The following RANBP2 variants were observed in gnomAD, a reference collection of about 807,000 sequenced individuals.
RANBP2 encodes E3 SUMO-protein ligase RanBP2.
A neutral mutation model predicts 303.6 loss-of-function variants in RANBP2; 57 were observed. The observed-to-expected ratio is 0.19, with a 90% CI of 0.15 to 0.23. The LOEUF is 0.23. RANBP2 is among the 10% of genes least tolerant of loss of function. The probability of loss-of-function intolerance (pLI) is 1.00; values close to 1 mark genes in which losing one functional copy is unlikely to be tolerated. For synonymous variants in RANBP2, 1,167 were observed against 1,301.5 expected (o/e 0.90, Z 2.23); for missense variants, 3,138 against 3,780.8 (o/e 0.83, Z 4.46).
At chr2:108,778,467 A>C (rs1169430009) in intron 25 of RANBP2, among the ~76,000 whole-genome samples, 3 of 152,334 alleles carry the variant, frequency 2.0e-5, no homozygotes, top group Non-Finnish European at 4.4e-5. Flanking sequence ...GATAATTTAG[A>C]GTTTCAATCT....
At chr2:109,032,497 G>A in the RANBP2 span, among the ~76,000 whole-genome samples, 2 of 152,112 alleles carry the variant, frequency 1.3e-5, no homozygotes, top group Admixed American at 6.5e-5. Flanking sequence ...AGGCTTCAGC[G>A]GATGCCCTGA....
the RANBP2 span, among the ~76,000 whole-genome samples, chr2:108,818,428 G>A: frequency 6.6e-6 from 1 of 152,136 alleles, no homozygotes; most frequent in Admixed American, 6.5e-5. Context: ...TAAATAAAAA[G>A]TTGTCTGTTG....
At chr2:108,780,834 C>T (rs1204544934) in intron 25 of RANBP2, among the ~76,000 whole-genome samples, 2 of 151,880 alleles carry the variant, frequency 1.3e-5, no homozygotes, top group Non-Finnish European at 2.9e-5. Flanking sequence ...CCCAGCCTCC[C>T]GAGTAGCTGG....
the RANBP2 span, among the ~76,000 whole-genome samples, chr2:109,565,508 C>T: frequency 6.6e-6 from 1 of 152,204 alleles, no homozygotes; most frequent in African/African-American, 2.4e-5. Flanking sequence ...TCCACATTCA[C>T]ATTTTGGTCA....
chr2:109,673,778 A>T, the RANBP2 span, among the ~76,000 whole-genome samples: 1 of 152,198 alleles, frequency 6.6e-6, no homozygotes, highest in African/African-American at 2.4e-5. Context: ...TGGGGAGGGG[A>T]ACAAACAGTT....
chr2:109,344,221 C>T, the RANBP2 span, among the ~76,000 whole-genome samples: 1 of 152,082 alleles, frequency 6.6e-6, no homozygotes, highest in Non-Finnish European at 1.5e-5. Context: ...GCCTTAGTGG[C>T]GTAGAAGCTA....
At chr2:109,740,434 T>C in the RANBP2 span, among the ~76,000 whole-genome samples, 2 of 152,146 alleles carry the variant, frequency 1.3e-5, no homozygotes, top group East Asian at 1.9e-4. Context: ...CATAAAATCA[T>C]AGGGATATAG....
the RANBP2 span, among the ~76,000 whole-genome samples, chr2:109,446,345 C>T: frequency 1.1e-4 from 17 of 152,290 alleles, no homozygotes; most frequent in African/African-American, 4.1e-4. Flanking sequence ...GGGACCATTG[C>T]GGGCGTTATC....
At chr2:109,078,121 G>GTATA in the RANBP2 span, among the ~76,000 whole-genome samples, 118 of 47,962 alleles carry the variant, frequency 2.5e-3, 4 homozygotes, top group Non-Finnish European at 3.4e-3. Flanking sequence ...TATATATAGC[G>GTATA]TGTATATATA....
chr2:109,684,130 T>C, the RANBP2 span, among the ~76,000 whole-genome samples: 2 of 151,746 alleles, frequency 1.3e-5, no homozygotes, highest in Admixed American at 6.6e-5. Flanking sequence ...TTAGTAGAAA[T>C]GGGGTTTTAC....
chr2:109,531,423 G>A, the RANBP2 span, among the ~76,000 whole-genome samples: 1 of 152,144 alleles, frequency 6.6e-6, no homozygotes, highest in Non-Finnish European at 1.5e-5. Flanking sequence ...CACTTACAAA[G>A]GGAAGGACAG....
At chr2:108,946,155 G>A in the RANBP2 span, among the ~76,000 whole-genome samples, 1 of 152,162 alleles carries the variant, frequency 6.6e-6, no homozygotes, top group Non-Finnish European at 1.5e-5. Context: ...AGATGTGCTC[G>A]GAGTGTGTCC....
At chr2:109,625,396 T>G in the RANBP2 span, among the ~76,000 whole-genome samples, 1 of 151,746 alleles carries the variant, frequency 6.6e-6, no homozygotes, top group African/African-American at 2.4e-5. Context: ...GGCTCATGCC[T>G]GTAATCCCAG....
At chr2:109,486,739 G>A in the RANBP2 span, among the ~76,000 whole-genome samples, 1 of 152,032 alleles carries the variant, frequency 6.6e-6, no homozygotes, top group Non-Finnish European at 1.5e-5. Flanking sequence ...AGGGGAGGGG[G>A]AAGCTGGGCA....
chr2:109,471,222 A>AAG, the RANBP2 span, among the ~76,000 whole-genome samples: 4 of 151,664 alleles, frequency 2.6e-5, no homozygotes, highest in African/African-American at 9.7e-5. Flanking sequence ...AAAAAAAAAA[A>AAG]AAAAAAAAAG....
chr2:108,979,641 C>T, the RANBP2 span, among the ~76,000 whole-genome samples: 1 of 152,130 alleles, frequency 6.6e-6, no homozygotes, highest in African/African-American at 2.4e-5. Context: ...GAAGCCCCTC[C>T]TGCCTCCCTA....
the RANBP2 span, among the ~76,000 whole-genome samples, chr2:109,341,338 C>A: frequency 6.6e-6 from 1 of 152,214 alleles, no homozygotes; most frequent in African/African-American, 2.4e-5. Flanking sequence ...GGGATACACT[C>A]TGGTAAATGC....
the RANBP2 span, among the ~76,000 whole-genome samples, chr2:108,947,938 G>A: frequency 5.9e-5 from 9 of 152,138 alleles, no homozygotes; most frequent in African/African-American, 2.2e-4. Context: ...ATATAGTTAG[G>A]TTGCAAATTT....
the RANBP2 span, among the ~76,000 whole-genome samples, chr2:109,049,840 C>T: frequency 7.2e-5 from 11 of 152,288 alleles, no homozygotes; most frequent in East Asian, 1.2e-3. Context: ...TTCAGGTTTT[C>T]CCGTTCGGGG....
Sources: allele counts gnomAD v4.1 joint callset (sites outside exome capture counted in the v4.1 genomes callset), GRCh38; gene constraint gnomAD v4.1.1; transcripts MANE v1.5; gene names NCBI Gene and HGNC (gene_info 2026-07-23, HGNC 2026-07-21).